Variants in PDE4D observed in about 807,000 individuals in gnomAD.
The protein encoded by PDE4D is 3',5'-cyclic-AMP phosphodiesterase 4D.
A neutral mutation model predicts 87.4 loss-of-function variants in PDE4D; 24 were observed. The observed-to-expected ratio is 0.27, with a 90% confidence interval of 0.20 to 0.39. The LOEUF is 0.39. Ranked by LOEUF, PDE4D falls within the 10% of genes least tolerant of loss-of-function variation. The pLI is 1.00. For missense variants in PDE4D, 714 were observed against 1,041.0 expected (o/e 0.69, Z 4.32); for synonymous variants, 384 against 383.2 (o/e 1.00, Z -0.02).
rs139967640 is a variant in PDE4D, at chr5:59,430,359, G to C, written c.456-214391C>G. The C allele has an allele frequency of 3.5e-3, 4,275 of 1,231,238 alleles. 20 individuals carry two copies. Among genetic ancestry groups the C allele is most frequent in the Non-Finnish European group, 3.6e-3 (3,594 of 987,676 alleles). The allele number at this position is 1,231,238 out of a possible 1,614,324, so 76.3% of individuals were successfully genotyped here. A position where few individuals can be genotyped will look rare whatever the true frequency, so the allele number is the denominator to read the frequency against. On this transcript the variant is annotated intron_variant, in intron 1 of 14. Transcript: ENST00000340635. ...CGTATGGTGATCCATGAACATAAGCGCTTCGGAATCTAGCCACCTTCCCCA... is the reference window on the plus strand; with the variant it reads ...CGTATGGTGATCCATGAACATAAGCCCTTCGGAATCTAGCCACCTTCCCCA...
chr5:60,291,891 T>A (rs1752929150), intron 1 of PDE4D, among the ~76,000 whole-genome samples: 1 of 152,156 alleles, frequency 6.6e-6, no homozygotes, highest in Non-Finnish European at 1.5e-5. Context: ...ATAATTTGTA[T>A]GCAATATGGG....
At chr5:60,359,838 C>T (rs1759911643) in intron 1 of PDE4D, among the ~76,000 whole-genome samples, 1 of 152,088 alleles carries the variant, frequency 6.6e-6, no homozygotes, top group South Asian at 2.1e-4. Flanking sequence ...ATCCATCTAC[C>T]CCCACAAAAC....
intron 1 of PDE4D, among the ~76,000 whole-genome samples, chr5:59,639,139 A>G (rs1741111408): frequency 6.6e-6 from 1 of 152,152 alleles, no homozygotes; most frequent in Admixed American, 6.5e-5. Flanking sequence ...TCATTTCCAA[A>G]TTATTATACA....
At chr5:60,463,427 A>G (rs972852136) in intron 1 of PDE4D, among the ~76,000 whole-genome samples, 1 of 152,062 alleles carries the variant, frequency 6.6e-6, no homozygotes, top group African/African-American at 2.4e-5. Flanking sequence ...GCTACTGTTC[A>G]CCATTATTTA....
In PDE4D at chr5:58,974,743, A is replaced by G; in HGVS notation, c.2351T>C (p.Val784Ala). The change falls in exon 15 of 15, where the codon GTT (valine) becomes GCT (alanine). Residue 784 changes from valine to alanine, a missense_variant. Physicochemically the swap from Val to Ala is moderately conservative, Grantham distance 64 (BLOSUM62 0). Around this residue, in one of 7 missense-constraint regions of PDE4D, gnomAD observed 90 missense variants for 95.3 expected, o/e 0.94. Transcript: ENST00000340635. ...TTCTTCCCCTACTGCCTCCTCTTCA[A>G]CCTGTTCATCAAGGGGAATTTCAGT... is the stretch of plus-strand genomic sequence containing the variant. ...ESTEIPLDEQ[V>A]EEEAVGEEEE... 1.2e-6 allele frequency: 2 copies of G among 1,613,590 alleles called. No homozygotes were observed. Among genetic ancestry groups the G allele is most frequent in the South Asian group, 2.2e-5 (2 of 91,020 alleles).
At chr5:60,236,440 T>C (rs1439194727) in intron 1 of PDE4D, among the ~76,000 whole-genome samples, 1 of 151,790 alleles carries the variant, frequency 6.6e-6, no homozygotes, top group Non-Finnish European at 1.5e-5. Flanking sequence ...CAAAAAGACA[T>C]AGACATTTTA....
At chr5:59,864,874 A>G (rs1473035833) in intron 1 of PDE4D, among the ~76,000 whole-genome samples, 3 of 152,166 alleles carry the variant, frequency 2.0e-5, no homozygotes, top group Non-Finnish European at 4.4e-5. Flanking sequence ...TCACTCCACC[A>G]GGTTCCCCAG....
intron 1 of PDE4D, among the ~76,000 whole-genome samples, chr5:59,666,328 T>A (rs907524758): frequency 6.6e-6 from 1 of 152,136 alleles, no homozygotes; most frequent in African/African-American, 2.4e-5. Context: ...TACCTTACTA[T>A]CAGTGCCAAA....
At chr5:59,549,215 A>C (rs1023130576) in intron 1 of PDE4D, among the ~76,000 whole-genome samples, 8 of 152,192 alleles carry the variant, frequency 5.3e-5, no homozygotes, top group East Asian at 1.9e-4. Flanking sequence ...TTAGAAAGCT[A>C]CTTTTTCTAC....
At chr5:59,442,563 T>A (rs1267689818) in intron 1 of PDE4D, among the ~76,000 whole-genome samples, 1 of 152,216 alleles carries the variant, frequency 6.6e-6, no homozygotes, top group East Asian at 1.9e-4. Flanking sequence ...GGTACCTTTT[T>A]GCCTGGAGGT....
Position 60,103,309 on chromosome 5 carries a change from C to T in PDE4D, c.42+82248G>A, listed in dbSNP as rs115364360. On this transcript the variant is annotated intron_variant, in intron 2 of 16. Transcript: ENST00000502484. The stretch of plus-strand genomic sequence containing the variant: ...TCTCTGCTTTTGGGTGGACATGAAC[C>T]GAGTAGGAATATCAAACTTCTGAAT... Among the ~76,000 whole-genome samples the T allele has an allele frequency of 4.6e-3, 706 of 152,158 alleles. 6 individuals carry two copies. The highest frequency in any genetic ancestry group is 0.016 in the African/African-American group (673 of 41,502).
chr5:59,840,336 C>CTG lies in PDE4D; in HGVS notation c.455+52830_455+52831dup, dbSNP rs59482787. ...ACGAATCACTCTCTGAAATGATCCT[C>CTG]TGTGTGTGTGTGTGTGTGTAACGCT... is the stretch of plus-strand genomic sequence containing the variant. On this transcript the variant is annotated intron_variant, in intron 1 of 14. Transcript: ENST00000340635. Among the ~76,000 whole-genome samples the CTG allele has an allele frequency of 4.4e-3, 653 of 149,292 alleles. 3 individuals are homozygous for CTG. The highest frequency in any genetic ancestry group is 0.023 in the East Asian group (116 of 5,032).
At chr5:59,923,042 C>G (rs1754843096) in intron 3 of PDE4D, among the ~76,000 whole-genome samples, 1 of 152,070 alleles carries the variant, frequency 6.6e-6, no homozygotes, top group South Asian at 2.1e-4. Context: ...GCTACTGGAT[C>G]TTGAGTAAAC....
chr5:59,386,708 AGGG>A (rs1787118784), intron 1 of PDE4D, among the ~76,000 whole-genome samples: 1 of 120,876 alleles, frequency 8.3e-6, no homozygotes, highest in Non-Finnish European at 1.8e-5. Context: ...GGAGGGAGGG[AGGG>A]AGGGAAAGAA....
chr5:59,555,516 A>C (rs1274472095), intron 1 of PDE4D, among the ~76,000 whole-genome samples: 1 of 152,166 alleles, frequency 6.6e-6, no homozygotes, highest in Non-Finnish European at 1.5e-5. Flanking sequence ...TTTGTTTTTT[A>C]AAATAAGATG....
chr5:59,843,925 G>A (rs1329798507), intron 1 of PDE4D, among the ~76,000 whole-genome samples: 2 of 152,072 alleles, frequency 1.3e-5, no homozygotes, highest in Non-Finnish European at 2.9e-5. Context: ...GGTAGAGGGA[G>A]GTTAATTGCT....
At chr5:59,680,187 T>C (rs1748773361) in intron 1 of PDE4D, among the ~76,000 whole-genome samples, 3 of 152,138 alleles carry the variant, frequency 2.0e-5, no homozygotes, top group Admixed American at 6.5e-5. Context: ...CATGTACAAA[T>C]AACCAGATAT....
intron 2 of PDE4D, among the ~76,000 whole-genome samples, chr5:59,991,120 A>G (rs1241416438): frequency 1.3e-5 from 2 of 152,202 alleles, no homozygotes; most frequent in African/African-American, 4.8e-5. Context: ...GAGCAGCCCT[A>G]CATAAACATT....
intron 1 of PDE4D, among the ~76,000 whole-genome samples, chr5:60,354,650 C>T (rs920064322): frequency 6.6e-6 from 1 of 152,118 alleles, no homozygotes; most frequent in Non-Finnish European, 1.5e-5. Context: ...ATCTAAGTCA[C>T]CACAATTGGA....
Sources: allele counts gnomAD v4.1 joint callset (sites outside exome capture counted in the v4.1 genomes callset), GRCh38; gene constraint gnomAD v4.1.1; regional missense constraint gnomAD v4.1.1; transcripts MANE v1.5; gene names NCBI Gene and HGNC (gene_info 2026-07-23, HGNC 2026-07-21).